MPRIP: variants seen among roughly 807,000 people sequenced by gnomAD.
MPRIP encodes myosin phosphatase Rho interacting protein, also known as myosin phosphatase Rho-interacting protein.
MPRIP carries 59 observed loss-of-function variants against 234.9 expected under a neutral mutation model. The observed-to-expected ratio is 0.25, with a 90% CI of 0.20 to 0.31. The LOEUF (loss-of-function observed/expected upper bound fraction) is 0.31. Ranked by LOEUF, MPRIP falls within the 10% of genes least tolerant of loss-of-function variation. The pLI, the probability that MPRIP is intolerant of heterozygous loss-of-function variation, is 1.00. For synonymous variants in MPRIP, 1,144 were observed against 1,263.9 expected (o/e 0.91, Z 2.01); for missense variants, 2,436 against 3,071.0 (o/e 0.79, Z 4.89).
At chr17:17,134,876 TG>T (rs1214313194) in intron 5 of MPRIP, among the ~76,000 whole-genome samples, 1 of 152,234 alleles carries the variant, frequency 6.6e-6, no homozygotes, top group Non-Finnish European at 1.5e-5. Flanking sequence ...AATAGTCTGG[TG>T]GTGATGCTGC....
chr17:17,079,336 A>G (rs767404739), intron 3 of MPRIP, among the ~76,000 whole-genome samples: 2 of 152,176 alleles, frequency 1.3e-5, no homozygotes, highest in African/African-American at 2.4e-5. Context: ...GGTTTTTGCT[A>G]TGGGAACGTC....
chr17:17,059,125 A>C (rs1029020110), intron 1 of MPRIP, among the ~76,000 whole-genome samples: 1 of 152,242 alleles, frequency 6.6e-6, no homozygotes, highest in Admixed American at 6.5e-5. Context: ...TAGTCACGTA[A>C]CATATATTCT....
In MPRIP at chr17:17,164,412, C is replaced by T. The variant is rs767872789; in HGVS notation, c.2821C>T (p.Arg941Trp). The T allele has an allele frequency of 2.8e-5, 36 of 1,282,796 alleles. No homozygotes were observed. Among genetic ancestry groups the T allele is most frequent in the Admixed American group, 1.6e-4 (7 of 42,920 alleles). 79.5% of individuals were successfully genotyped at this position (1,282,796 alleles called of 1,614,324 possible). A position where few individuals can be genotyped will look rare whatever the true frequency, so the allele number is the denominator to read the frequency against. ...CCGGGTCCGCGAGCAGCTGGAGGAG[C>T]GGCAACACAGCGAGGCGGCGCTGAG... The part of the protein sequence containing the change: ...QGRVREQLEE[R>W]QHSEAALSSQ... Residue 941 changes from arginine to tryptophan, a missense_variant, in exon 16 of 24, where the codon CGG becomes TGG. Physicochemically the swap from Arg to Trp is moderately radical, Grantham distance 101. Transcript: ENST00000651222.
intron 3 of MPRIP, among the ~76,000 whole-genome samples, chr17:17,118,763 G>A (rs1053652286): frequency 6.6e-6 from 1 of 152,184 alleles, no homozygotes; most frequent in Non-Finnish European, 1.5e-5. Flanking sequence ...GCCTGCATGG[G>A]ATCATGACCC....
At chr17:17,058,017 G>C in intron 1 of MPRIP, 1 of 340,010 alleles carries the variant, frequency 2.9e-6, no homozygotes, top group Non-Finnish European at 5.5e-6. Flanking sequence ...CCCCTCCCCA[G>C]TGGTATCCCT....
chr17:17,157,397 C>G (rs2045752425), intron 13 of MPRIP, among the ~76,000 whole-genome samples: 1 of 152,228 alleles, frequency 6.6e-6, no homozygotes, highest in South Asian at 2.1e-4. Flanking sequence ...GTCCTTCTCC[C>G]CTTCTGCCTT....
chr17:17,157,068 T>C (rs1393001638), intron 13 of MPRIP, among the ~76,000 whole-genome samples: 2 of 152,182 alleles, frequency 1.3e-5, no homozygotes, highest in Non-Finnish European at 2.9e-5. Flanking sequence ...TGGGTGAGAT[T>C]AGGGGCCCCT....
Position 17,131,630 on chromosome 17 carries a change from C to G in MPRIP, c.433C>G (p.Leu145Val). The change falls in exon 5 of 24, where the codon CTC (leucine) becomes GTC (valine). Residue 145 changes from leucine to valine, a missense_variant. Physicochemically the swap from Leu to Val is conservative, Grantham distance 32 (BLOSUM62 1). Coordinates refer to ENST00000651222, the MANE Select transcript of MPRIP (RefSeq NM_001364716.4). ...KEIVSGWLEMLMVYPRTNKQN... is the reference protein window; with the variant it reads ...KEIVSGWLEMVMVYPRTNKQN... ...TTCTCTTCCCAGGTGGCTGGAGATG[C>G]TCATGGTCTATCCCCGGACCAACAA... 1 of 1,614,168 alleles carries G rather than the reference C, an allele frequency of 6.2e-7. No homozygotes were observed. Among genetic ancestry groups the G allele is most frequent in the South Asian group, 1.1e-5 (1 of 91,080 alleles).
chr17:17,095,055 C>G (rs1169914156), intron 3 of MPRIP, among the ~76,000 whole-genome samples: 1 of 152,190 alleles, frequency 6.6e-6, no homozygotes, highest in Admixed American at 6.5e-5. Flanking sequence ...ACCTTGCCTT[C>G]TAACCCTTCT....
At chr17:17,107,354 G>A (rs981995899) in intron 3 of MPRIP, among the ~76,000 whole-genome samples, 2 of 152,240 alleles carry the variant, frequency 1.3e-5, no homozygotes, top group African/African-American at 2.4e-5. Flanking sequence ...GGCAGGGCGG[G>A]GACTTCAAGG....
intron 9 of MPRIP, 24 bp downstream of exon 9, chr17:17,143,693 C>T (rs772272800): frequency 1.1e-5 from 16 of 1,500,310 alleles, no homozygotes; most frequent in Admixed American, 1.8e-5. Context: ...CCGCGTCCTC[C>T]GGAGGCCGTG....
intron 3 of MPRIP, among the ~76,000 whole-genome samples, chr17:17,119,985 A>G (rs891651991): frequency 6.6e-6 from 1 of 152,184 alleles, no homozygotes. Context: ...TGTGGGGGGA[A>G]GTCAGGTTTC....
At chr17:17,055,291 A>C (rs1213431868) in intron 1 of MPRIP, among the ~76,000 whole-genome samples, 1 of 152,156 alleles carries the variant, frequency 6.6e-6, no homozygotes, top group Admixed American at 6.5e-5. Flanking sequence ...ACTCGTATCC[A>C]TGGAGCAACT....
intron 1 of MPRIP, among the ~76,000 whole-genome samples, chr17:17,057,006 G>A (rs761306856): frequency 5.9e-5 from 9 of 152,244 alleles, no homozygotes; most frequent in Middle Eastern, 3.2e-3. Context: ...CCTTTTGGCC[G>A]TTGTGGATAG....
chr17:17,184,255 G>T (rs963522421), intron 23 of MPRIP, among the ~76,000 whole-genome samples: 2 of 152,214 alleles, frequency 1.3e-5, no homozygotes, highest in African/African-American at 4.8e-5. Flanking sequence ...ACGTTGGCGT[G>T]TTCCCACATC....
At chr17:17,073,985 G>T (rs894470776) in intron 1 of MPRIP, among the ~76,000 whole-genome samples, 1 of 152,190 alleles carries the variant, frequency 6.6e-6, no homozygotes, top group Non-Finnish European at 1.5e-5. Context: ...GAAAGCCAGT[G>T]CTCCTGGGGA....
rs112304946 is a variant in MPRIP, at chr17:17,078,290, A to G, written c.267+214A>G. Among the ~76,000 whole-genome samples the G allele has an allele frequency of 5.0e-5, 7 of 139,570 alleles. No individual in the cohort carries two copies. Among genetic ancestry groups the G allele is most frequent in the African/African-American group, 2.3e-4 (7 of 30,590 alleles). The allele number at this position is 139,570 out of a possible 152,430, so 91.6% of individuals were successfully genotyped here. On this transcript the variant is annotated intron_variant, in intron 3 of 23. Transcript: ENST00000651222. This position sits in a 1 kb window ranked among gnomAD's most constrained non-coding sequence, Gnocchi z 4.3. ...TGAAACATCATCTTCTGTGGTCTTG[A>G]GTGAGAGGAAGAAGTGAGGGAGGAA... is the stretch of plus-strand genomic sequence containing the variant.
chr17:17,160,118 C>T (rs1019689910), intron 14 of MPRIP, among the ~76,000 whole-genome samples: 2 of 152,184 alleles, frequency 1.3e-5, no homozygotes, highest in Admixed American at 6.5e-5. Flanking sequence ...CCTGTAATCC[C>T]GGTACTTTGG....
At chr17:17,136,194 C>G (rs775702830) in intron 5 of MPRIP, 25 bp from the exon 6 acceptor site, 3 of 1,613,596 alleles carry the variant, frequency 1.9e-6, no homozygotes, top group Non-Finnish European at 2.5e-6. Flanking sequence ...TGCACCTTCA[C>G]AGACACCACT....
Sources: allele counts gnomAD v4.1 joint callset (sites outside exome capture counted in the v4.1 genomes callset), GRCh38; gene constraint gnomAD v4.1.1; non-coding constraint Gnocchi (gnomAD v3.1); transcripts MANE v1.5; gene names NCBI Gene and HGNC (gene_info 2026-07-23, HGNC 2026-07-21).